The following PLBD1 variants were observed in gnomAD, a reference collection of about 807,000 sequenced individuals.
PLBD1 encodes lysosomal leucine aminopeptidase.
Under a neutral mutation model 63.0 loss-of-function variants are expected in PLBD1, and 60 were observed. The observed-to-expected ratio is 0.95, with a 90% confidence interval of 0.77 to 1.18. PLBD1 has a LOEUF of 1.18. Among genes scored for constraint, PLBD1 ranks in the 50% most tolerant of loss-of-function variants. PLBD1 has a pLI of 0.00. For missense variants in PLBD1, 598 were observed against 677.9 expected, an observed-to-expected ratio of 0.88 and a Z score of 1.31; for synonymous variants, 262 against 248.0, an observed-to-expected ratio of 1.06 and a Z score of -0.53.
intron 8 of PLBD1, among the ~76,000 whole-genome samples, chr12:14,508,000 T>G (rs1945269307): frequency 6.6e-6 from 1 of 152,192 alleles, no homozygotes; most frequent in Non-Finnish European, 1.5e-5. Flanking sequence ...CCTTTCTCCT[T>G]TGTATTGTTG....
At chr12:14,524,206 G>C (rs928669950) in intron 6 of PLBD1, among the ~76,000 whole-genome samples, 1 of 152,136 alleles carries the variant, frequency 6.6e-6, no homozygotes, top group African/African-American at 2.4e-5. Flanking sequence ...ATTACAGTTA[G>C]ATAGAAGGAG....
At chr12:14,526,792 A>T (rs1052572608) in intron 6 of PLBD1, among the ~76,000 whole-genome samples, 3 of 152,042 alleles carry the variant, frequency 2.0e-5, no homozygotes, top group African/African-American at 7.2e-5. Context: ...GACCAACATG[A>T]AGAAACCCCA....
chr12:14,536,490 G>A, intron 5 of PLBD1, 80 bp downstream of exon 5: 2 of 1,466,428 alleles, frequency 1.4e-6, no homozygotes, highest in Non-Finnish European at 1.9e-6. Flanking sequence ...CAGGGGTGAT[G>A]AGATGTTGCT....
At chr12:14,549,533 G>A (rs867793706) in intron 2 of PLBD1, among the ~76,000 whole-genome samples, 2 of 152,040 alleles carry the variant, frequency 1.3e-5, no homozygotes, top group Non-Finnish European at 2.9e-5. Context: ...AAGAAACCTC[G>A]GGCACTCTGT....
At chr12:14,532,316 G>T (rs12367040) in intron 6 of PLBD1, among the ~76,000 whole-genome samples, 3,340 of 152,230 alleles carry the variant, frequency 0.022, 79 homozygotes, top group South Asian at 0.11. Flanking sequence ...GGCCTAGCCC[G>T]CCCCAAGGAC....
At chr12:14,534,777 C>T (rs541239517) in intron 6 of PLBD1, among the ~76,000 whole-genome samples, 7 of 152,218 alleles carry the variant, frequency 4.6e-5, no homozygotes, top group Admixed American at 3.3e-4. Flanking sequence ...CTCCTGACCT[C>T]GTGATCCGCC....
chr12:14,564,235 A>G (rs1945764167), intron 1 of PLBD1, among the ~76,000 whole-genome samples: 1 of 152,226 alleles, frequency 6.6e-6, no homozygotes, highest in Non-Finnish European at 1.5e-5. Context: ...GAATGTCTGC[A>G]GAGTTAAAGG....
At chr12:14,552,751 A>G (rs887739082) in intron 2 of PLBD1, among the ~76,000 whole-genome samples, 3 of 152,318 alleles carry the variant, frequency 2.0e-5, no homozygotes, top group African/African-American at 4.8e-5. Flanking sequence ...AATATATAAA[A>G]TAAAACAAAA....
At chr12:14,558,673 C>T (rs763386559) in intron 1 of PLBD1, among the ~76,000 whole-genome samples, 46 of 152,198 alleles carry the variant, frequency 3.0e-4, no homozygotes, top group East Asian at 1.9e-4. Context: ...CATTTCTCAT[C>T]GTAAGCACCC....
chr12:14,506,410 A>G (rs1175209028), intron 9 of PLBD1, 142 bp from the exon 10 acceptor site: 1 of 615,280 alleles, frequency 1.6e-6, no homozygotes, highest in Non-Finnish European at 2.8e-6. Flanking sequence ...CTGCTTCCAG[A>G]TAGAGACATC....
intron 2 of PLBD1, among the ~76,000 whole-genome samples, chr12:14,548,780 C>T (rs74068648): frequency 0.014 from 2,184 of 152,276 alleles, 50 homozygotes; most frequent in African/African-American, 0.049. Flanking sequence ...CTCAGTGCCA[C>T]GCACAAAGTA....
At chr12:14,560,931 C>T (rs1217471977) in intron 1 of PLBD1, among the ~76,000 whole-genome samples, 2 of 151,978 alleles carry the variant, frequency 1.3e-5, no homozygotes, top group East Asian at 1.9e-4. Flanking sequence ...GACCCAGCTA[C>T]CTGCTCCCAT....
At chr12:14,551,957 C>T (rs1044502980) in intron 2 of PLBD1, among the ~76,000 whole-genome samples, 1 of 152,050 alleles carries the variant, frequency 6.6e-6, no homozygotes, top group Admixed American at 6.6e-5. Context: ...GAATAGTACA[C>T]CGTTAAGGAG....
chr12:14,544,372 C>T lies in PLBD1; in HGVS notation c.336-2081G>A, dbSNP rs546196041. On this transcript the variant is annotated intron_variant, in intron 2 of 10. Coordinates refer to ENST00000240617, the MANE Select transcript of PLBD1 (RefSeq NM_024829.6). ...TATTTTTAGTAGAGATGGGGTTTTG[C>T]CATATTGGCCAGGCTGATCTTGAAC... 1.2e-4 allele frequency among the ~76,000 whole-genome samples: 19 copies of T among 152,218 alleles called. No homozygotes were observed. In the East Asian group the frequency reaches 3.7e-3, roughly 29 times the overall value.
intron 1 of PLBD1, chr12:14,553,639 T>C: frequency 1.7e-6 from 1 of 577,086 alleles, no homozygotes; most frequent in South Asian, 2.0e-5. Context: ...AAGGTGGGGG[T>C]GTAGCTACAG....
intron 1 of PLBD1, among the ~76,000 whole-genome samples, chr12:14,554,663 G>T (rs539661932): frequency 3.3e-5 from 5 of 151,906 alleles, no homozygotes; most frequent in Non-Finnish European, 7.4e-5. Context: ...CCACCTCCAG[G>T]ATACCAATGC....
At chr12:14,536,821 G>T in intron 4 of PLBD1, 111 bp from the exon 5 acceptor site, 1 of 1,375,810 alleles carries the variant, frequency 7.3e-7, no homozygotes, top group Non-Finnish European at 1.0e-6. Flanking sequence ...GTGCATGGTG[G>T]CTCACGCCTG....
chr12:14,524,791 G>A (rs553510716), intron 6 of PLBD1, among the ~76,000 whole-genome samples: 1 of 152,192 alleles, frequency 6.6e-6, no homozygotes, highest in East Asian at 1.9e-4. Context: ...AGCGGACAAA[G>A]ACAAAACAGG....
At chr12:14,514,488 G>A (rs905138848) in intron 6 of PLBD1, among the ~76,000 whole-genome samples, 5 of 152,180 alleles carry the variant, frequency 3.3e-5, no homozygotes, top group East Asian at 1.9e-4. Flanking sequence ...AAGTACTAAT[G>A]TTTAAGGAGT....
Sources: gnomAD v4.1 joint callset for allele counts (sites outside exome capture counted in the v4.1 genomes callset) on GRCh38, gnomAD v4.1.1 for gene constraint, MANE v1.5 for transcripts, NCBI Gene and HGNC (gene_info 2026-07-23, HGNC 2026-07-21) for gene names.